CEP41: variants seen among roughly 807,000 people sequenced by gnomAD.
CEP41 encodes centrosomal protein of 41 kDa.
CEP41 carries 32 observed loss-of-function variants against 44.3 expected under a neutral mutation model. The observed-to-expected ratio is 0.72, with a 90% CI of 0.54 to 0.97. The LOEUF (loss-of-function observed/expected upper bound fraction) is 0.97, where lower values mean the gene tolerates loss of function less well. CEP41 is among the 50% of genes least tolerant of loss of function. CEP41 has a pLI of 0.00. For missense variants in CEP41, 432 were observed against 455.2 expected (o/e 0.95, Z 0.46); for synonymous variants, 151 against 168.5 (o/e 0.90, Z 0.80).
At chr7:130,421,467 A>C (rs1797506714) in intron 2 of CEP41, 3 of 984,816 alleles carry the variant, frequency 3.0e-6, no homozygotes, top group Non-Finnish European at 3.6e-6. Flanking sequence ...GGTTTATAAA[A>C]GCCTTTCACA....
chr7:130,411,906 A>G, intron 4 of CEP41: 1 of 336,286 alleles, frequency 3.0e-6, no homozygotes, highest in East Asian at 5.9e-5. Flanking sequence ...AGTTAAATGT[A>G]TAAGGAAAAA....
chr7:130,416,928 T>C lies in CEP41; in HGVS notation c.136A>G (p.Ile46Val), dbSNP rs782061584. 1.9e-6 allele frequency: 3 copies of C among 1,588,524 alleles called. No homozygotes were observed. The highest frequency in any genetic ancestry group is 2.6e-6 in the Non-Finnish European group (3 of 1,156,664). ...MTKYTEKLEE[I>V]KKNYRYKKDE... The stretch of plus-strand genomic sequence containing the variant: ...CAAGAGTGTTACTTACTTTTCTTAA[T>C]CTCTTCGAGCTTCTCAGTATATTTA... The change falls in exon 3 of 11, where the codon ATT becomes GTT. Residue 46 changes from isoleucine to valine, a missense_variant. Coordinates refer to ENST00000223208, the MANE Select transcript of CEP41 (RefSeq NM_018718.3).
chr7:130,436,419 G>T (rs1797965595), intron 1 of CEP41, among the ~76,000 whole-genome samples: 1 of 152,208 alleles, frequency 6.6e-6, no homozygotes, highest in South Asian at 2.1e-4. Flanking sequence ...GGTGTGACCA[G>T]AAGAGTAGCT....
intron 5 of CEP41, chr7:130,410,839 T>C: frequency 4.2e-6 from 2 of 479,750 alleles, no homozygotes; most frequent in Non-Finnish European, 7.6e-6. Flanking sequence ...AATGTGTAGG[T>C]ACAAAGAATG....
In CEP41 at chr7:130,401,934, T is replaced by C. The variant is rs782265732; in HGVS notation, c.589A>G (p.Ile197Val). 8 of 1,609,998 alleles carry C rather than the reference T, an allele frequency of 5.0e-6. No homozygotes were observed. In the East Asian group the frequency reaches 1.1e-4, roughly 22 times the overall value. The change falls in exon 8 of 11, where the codon ATT becomes GTT. Residue 197 changes from isoleucine to valine, a missense_variant. Coordinates refer to ENST00000223208, the MANE Select transcript of CEP41 (RefSeq NM_018718.3). ...CHIVGAYSYP[I>V]ATLSRTMNPY... ...TTCATTGTTCTAGACAGAGTTGCAA[T>C]TGGGTAACTGTAAGCTGCAAAGAGA...
chr7:130,399,090 C>T (rs1554416205), intron 10 of CEP41, 51 bp from the exon 11 acceptor site: 2 of 1,604,786 alleles, frequency 1.2e-6, no homozygotes, highest in South Asian at 2.2e-5. Context: ...ATTCCAGGGA[C>T]AATCTGCCAA....
upstream of CEP41, chr7:130,441,329 CG>C: frequency 2.3e-6 from 1 of 430,378 alleles, no homozygotes; most frequent in African/African-American, 2.0e-5. Flanking sequence ...GGACAAAACA[CG>C]AGTTTTAGCT....
chr7:130,420,013 G>A, intron 2 of CEP41: 1 of 985,284 alleles, frequency 1.0e-6, no homozygotes. Context: ...TAGCATAGGA[G>A]ACACTCAAAA....
chr7:130,440,012 T>C (rs1798095765), intron 1 of CEP41, among the ~76,000 whole-genome samples: 1 of 152,084 alleles, frequency 6.6e-6, no homozygotes, highest in South Asian at 2.1e-4. Context: ...TAGACGCAAT[T>C]TATTTATTGT....
intron 1 of CEP41, among the ~76,000 whole-genome samples, chr7:130,434,409 C>G (rs1797905544): frequency 6.6e-6 from 1 of 152,088 alleles, no homozygotes; most frequent in South Asian, 2.1e-4. Flanking sequence ...AAAAGATAAG[C>G]TACAGACTGG....
upstream of CEP41, chr7:130,441,113 G>A (rs1301745484): frequency 2.7e-5 from 23 of 849,948 alleles, no homozygotes; most frequent in African/African-American, 3.5e-4. Flanking sequence ...TGGGGGCCCC[G>A]TTTACTCTCT....
At chr7:130,406,050 T>A (rs1554418155) in intron 5 of CEP41, among the ~76,000 whole-genome samples, 4 of 152,222 alleles carry the variant, frequency 2.6e-5, no homozygotes, top group Non-Finnish European at 5.9e-5. Context: ...AATGCTATTT[T>A]TCATAAAAAC....
chr7:130,412,708 C>G (rs1446820798), intron 3 of CEP41, among the ~76,000 whole-genome samples: 1 of 152,218 alleles, frequency 6.6e-6, no homozygotes, highest in African/African-American at 2.4e-5. Context: ...ACTATTCTGA[C>G]TCCAGCTTAA....
rs1797169141 is a variant in CEP41 at position 130,411,105 on chromosome 7, C to T, written c.277+17G>A. The T allele has an allele frequency of 2.5e-6, 4 of 1,611,762 alleles. No homozygotes were observed. The highest frequency in any genetic ancestry group is 2.7e-5 in the African/African-American group (2 of 74,996). On this transcript the variant is annotated intron_variant, in intron 5 of 10. Transcript: ENST00000223208. ...TGGTCAGCCTGTTATTTTCCCCACA[C>T]CCTCAATTCTCATTACCTTCCAGCC...
At chr7:130,423,199 C>T (rs1554422655) in intron 2 of CEP41, among the ~76,000 whole-genome samples, 1 of 152,190 alleles carries the variant, frequency 6.6e-6, no homozygotes, top group East Asian at 1.9e-4. Context: ...CCACCTGCCT[C>T]GGCCTCCCAA....
At chr7:130,423,940 T>C (rs1324574568) in intron 2 of CEP41, among the ~76,000 whole-genome samples, 1 of 152,232 alleles carries the variant, frequency 6.6e-6, no homozygotes, top group Non-Finnish European at 1.5e-5. Context: ...AGTAGATTAG[T>C]GGTTACTCAA....
chr7:130,394,708 A>G lies in CEP41; in HGVS notation c.*4183T>C, dbSNP rs1554413827. On this transcript the variant is annotated 3_prime_UTR_variant, in exon 11 of 11. Transcript: ENST00000223208. ...AATGACAGACTAGCACTGAGTGGCC[A>G]CCACAGTGGGCATCACATCCAAACT... is the stretch of plus-strand genomic sequence containing the variant. The G allele has an allele frequency of 2.2e-6, 1 of 454,116 alleles. No homozygotes were observed. The highest frequency in any genetic ancestry group is 2.3e-5 in the Admixed American group (1 of 42,578). 28.1% of individuals were successfully genotyped at this position (454,116 alleles called of 1,614,324 possible). A position where few individuals can be genotyped will look rare whatever the true frequency, so the allele number is the denominator to read the frequency against.
At chr7:130,441,225 C>A (rs941805185), upstream of CEP41, 2 of 430,878 alleles carry the variant, frequency 4.6e-6, no homozygotes, top group Non-Finnish European at 4.5e-6. Context: ...TGGGGCTCGC[C>A]GGCTCCAGCC....
At chr7:130,405,030 T>C (rs905199539) in intron 5 of CEP41, among the ~76,000 whole-genome samples, 3 of 152,218 alleles carry the variant, frequency 2.0e-5, no homozygotes, top group Non-Finnish European at 2.9e-5. Context: ...GCACCAAGCT[T>C]TATTAGCAAT....
Sources: gnomAD v4.1 joint callset for allele counts (sites outside exome capture counted in the v4.1 genomes callset) on GRCh38, gnomAD v4.1.1 for gene constraint, MANE v1.5 for transcripts, NCBI Gene and HGNC (gene_info 2026-07-23, HGNC 2026-07-21) for gene names.